OTOGL: variants seen among roughly 807,000 people sequenced by gnomAD.
OTOGL encodes the protein otogelin like.
A neutral mutation model predicts 318.5 loss-of-function variants in OTOGL; 285 were observed. The ratio of observed to expected loss-of-function variants is 0.89; its 90% CI spans 0.81 to 0.99. The LOEUF (loss-of-function observed/expected upper bound fraction) is 0.99, where lower values mean the gene tolerates loss of function less well. Ranked by LOEUF, OTOGL falls within the 50% of genes least tolerant of loss-of-function variation. The pLI is 0.00. For missense variants in OTOGL, 2,899 were observed against 2,845.6 expected, an observed-to-expected ratio of 1.02 and a Z score of -0.43; for synonymous variants, 987 against 936.5, an observed-to-expected ratio of 1.05 and a Z score of -0.99.
intron 1 of OTOGL, among the ~76,000 whole-genome samples, chr12:80,135,915 G>A (rs1871539070): frequency 6.6e-6 from 1 of 152,198 alleles, no homozygotes; most frequent in African/African-American, 2.4e-5. Flanking sequence ...TTTGAACTGG[G>A]ACATTAGTTC....
At chr12:80,247,529 T>C (rs1199355755) in intron 11 of OTOGL, among the ~76,000 whole-genome samples, 7 of 105,600 alleles carry the variant, frequency 6.6e-5, no homozygotes, top group East Asian at 2.4e-4. Context: ...GTCTGAGAGA[T>C]AGTTTGTTAT....
intron 24 of OTOGL, among the ~76,000 whole-genome samples, chr12:80,272,629 C>T (rs982500646): frequency 6.6e-6 from 1 of 152,006 alleles, no homozygotes; most frequent in Non-Finnish European, 1.5e-5. Context: ...CATTCTTCCT[C>T]AATGAACATG....
intron 1 of OTOGL, among the ~76,000 whole-genome samples, chr12:80,122,174 G>A (rs919783493): frequency 2.6e-5 from 4 of 152,082 alleles, no homozygotes; most frequent in Non-Finnish European, 5.9e-5. Context: ...AAAAGTACTT[G>A]AGATCACAGT....
At position 80,278,191 on chromosome 12, in the gene OTOGL, G is replaced by T. The variant is rs753168643; in HGVS notation, c.2705G>T (p.Cys902Phe). ...APGMAEHRGKCYVPESCPCIW... is the reference protein window; with the variant it reads ...APGMAEHRGKFYVPESCPCIW... Reference sequence around the variant, plus strand: ...AGAATGGCAGAGCACAGAGGAAAGTGTTATGTTCCTGAAAGCTGCCCATGT... The same window carrying T: ...AGAATGGCAGAGCACAGAGGAAAGTTTTATGTTCCTGAAAGCTGCCCATGT... The change falls in exon 25 of 59, where the codon TGT (cysteine) becomes TTT (phenylalanine). Residue 902 changes from cysteine (C) to phenylalanine (F), a missense_variant. Cys to Phe is a radical substitution (Grantham distance 205). Coordinates refer to ENST00000547103, the MANE Select transcript of OTOGL (RefSeq NM_001378609.3). 6.5e-7 allele frequency: 1 copy of T among 1,546,728 alleles called. No individual in the cohort carries two copies.
At chr12:80,293,210 C>T (rs1190193914) in intron 26 of OTOGL, among the ~76,000 whole-genome samples, 5 of 151,634 alleles carry the variant, frequency 3.3e-5, no homozygotes, top group South Asian at 2.1e-4. Context: ...TTTTTCTTGC[C>T]GTATACTCAA....
chr12:80,157,446 C>G (rs907936896), intron 1 of OTOGL, among the ~76,000 whole-genome samples: 1 of 152,046 alleles, frequency 6.6e-6, no homozygotes, highest in Non-Finnish European at 1.5e-5. Context: ...TCCCATTTGT[C>G]CACTTTTGCT....
At chr12:80,303,343 G>A (rs1885899570) in intron 28 of OTOGL, among the ~76,000 whole-genome samples, 1 of 152,132 alleles carries the variant, frequency 6.6e-6, no homozygotes. Context: ...TTTTAGTAGA[G>A]AACAGGTTTC....
At chr12:80,128,565 G>T (rs1159221021) in intron 1 of OTOGL, among the ~76,000 whole-genome samples, 2 of 152,200 alleles carry the variant, frequency 1.3e-5, no homozygotes, top group Non-Finnish European at 2.9e-5. Context: ...TCTCTTCAAA[G>T]CTGTCAGACA....
At chr12:80,166,244 T>C (rs1049143520) in intron 1 of OTOGL, among the ~76,000 whole-genome samples, 1 of 151,142 alleles carries the variant, frequency 6.6e-6, no homozygotes, top group Non-Finnish European at 1.5e-5. Flanking sequence ...CTTTCTTTCA[T>C]TCTTTCTTTG....
chr12:80,360,198 G>A (rs1223450120), intron 52 of OTOGL, among the ~76,000 whole-genome samples: 8 of 152,028 alleles, frequency 5.3e-5, no homozygotes. Flanking sequence ...ATATAGAAAG[G>A]GCTCAATCAG....
intron 35 of OTOGL, 63 bp from the exon 36 acceptor site, chr12:80,328,602 G>A (rs375159192): frequency 1.8e-6 from 2 of 1,139,924 alleles, no homozygotes; most frequent in African/African-American, 3.2e-5. Context: ...GTTAAATGTA[G>A]TCCTTTTTTT....
intron 46 of OTOGL, among the ~76,000 whole-genome samples, chr12:80,354,597 A>C (rs1229183383): frequency 2.6e-5 from 4 of 152,216 alleles, no homozygotes; most frequent in African/African-American, 9.6e-5. Flanking sequence ...CGATCAAAAG[A>C]AAATGAATTG....
intron 2 of OTOGL, among the ~76,000 whole-genome samples, chr12:80,209,758 TAGA>T (rs1877102508): frequency 6.6e-6 from 1 of 152,124 alleles, no homozygotes; most frequent in Admixed American, 6.5e-5. Flanking sequence ...GCAATTGTAC[TAGA>T]ACCTTTTAGT....
At chr12:80,197,191 G>T (rs146238559) in intron 1 of OTOGL, among the ~76,000 whole-genome samples, 45 of 152,108 alleles carry the variant, frequency 3.0e-4, no homozygotes, top group Non-Finnish European at 6.0e-4. Context: ...CCACCTTTCT[G>T]GACTGCACCA....
rs373846040 is a variant in OTOGL, at chr12:80,352,305, A to C, written c.5276A>C (p.Glu1759Ala). Residue 1759 changes from glutamate (E) to alanine (A), a missense_variant, in exon 45 of 59, where the codon GAA becomes GCA. By Grantham distance (107) the Glu-to-Ala change is moderately radical (BLOSUM62 -1). Around this residue, in one of 3 missense-constraint regions of OTOGL, gnomAD observed 2,607 missense variants for 2,524.9 expected, o/e 1.03. Coordinates refer to ENST00000547103, the MANE Select transcript of OTOGL (RefSeq NM_001378609.3). ...FIPCHDKVSP[E>A]DFCEKMWINY... ...AAAATGTTTCTCTAGGTTTCACCGG[A>C]AGACTTTTGTGAAAAGATGTGGATC... is the stretch of plus-strand genomic sequence containing the variant. The C allele has an allele frequency of 6.2e-7, 1 of 1,607,800 alleles. No individual in the cohort carries two copies. The highest frequency in any genetic ancestry group is 8.5e-7 in the Non-Finnish European group (1 of 1,178,226).
Position 80,333,056 on chromosome 12 carries a change from C to A in OTOGL, c.4400C>A (p.Pro1467Gln). 6.2e-7 allele frequency: 1 copy of A among 1,601,106 alleles called. No individual in the cohort carries two copies. Among genetic ancestry groups the A allele is most frequent in the Non-Finnish European group, 8.5e-7 (1 of 1,172,618 alleles). The change falls in exon 38 of 59, where the codon CCA becomes CAA. Residue 1467 changes from proline (P) to glutamine (Q), a missense_variant. Pro to Gln is a moderately conservative substitution (Grantham distance 76). Transcript: ENST00000547103. Reference sequence around the variant, plus strand: ...ATCACTGTGTTTGATATGCTAACACCAACTACAGGCTTGGAATGTGAGGTA... The same window carrying A: ...ATCACTGTGTTTGATATGCTAACACAAACTACAGGCTTGGAATGTGAGGTA... ...SDITVFDMLTPTTGLECEPQK... is the reference protein window; with the variant it reads ...SDITVFDMLTQTTGLECEPQK...
At chr12:80,358,055 T>G (rs896281846) in intron 49 of OTOGL, among the ~76,000 whole-genome samples, 193 bp from the exon 50 acceptor site, 1 of 152,260 alleles carries the variant, frequency 6.6e-6, no homozygotes, top group Non-Finnish European at 1.5e-5. Context: ...TATGTCACTG[T>G]GCTTGGAAAG....
Position 80,336,107 on chromosome 12 carries a change from A to G in OTOGL, c.4567A>G (p.Ser1523Gly). The change falls in exon 39 of 59, where the codon AGT becomes GGT. Residue 1523 changes from serine (S) to glycine (G), a missense_variant. Physicochemically the swap from Ser to Gly is moderately conservative, Grantham distance 56. Coordinates refer to ENST00000547103, the MANE Select transcript of OTOGL (RefSeq NM_001378609.3). The stretch of plus-strand genomic sequence containing the variant: ...CCGAGGAAGGCCAGTTCAAGTGAAC[A>G]GTGATATCTGCTGCCCTGAGTGGGA... ...GFRGRPVQVN[S>G]DICCPEWECP... is the part of the protein sequence containing the mutation. The G allele has an allele frequency of 1.3e-5, 20 of 1,598,570 alleles. No homozygotes were observed. Among genetic ancestry groups the G allele is most frequent in the Non-Finnish European group, 1.7e-5 (20 of 1,179,346 alleles).
At chr12:80,360,915 T>C (rs936263733) in intron 52 of OTOGL, among the ~76,000 whole-genome samples, 2 of 152,144 alleles carry the variant, frequency 1.3e-5, no homozygotes, top group Non-Finnish European at 2.9e-5. Flanking sequence ...TCAAAATATA[T>C]ATACATTATG....
Sources: allele counts gnomAD v4.1 joint callset (sites outside exome capture counted in the v4.1 genomes callset), GRCh38; gene constraint gnomAD v4.1.1; regional missense constraint gnomAD v4.1.1; transcripts MANE v1.5; gene names NCBI Gene and HGNC (gene_info 2026-07-23, HGNC 2026-07-21).